KIF3C: variants seen among roughly 807,000 people sequenced by gnomAD.
KIF3C encodes the protein kinesin family member 3C.
In KIF3C, 12 loss-of-function variants were observed where a neutral mutation model predicts 67.7. The observed-to-expected ratio is 0.18, with a 90% CI of 0.11 to 0.29. The LOEUF is 0.29. Ranked by LOEUF, KIF3C falls within the 10% of genes least tolerant of loss-of-function variation. The probability of loss-of-function intolerance (pLI) is 1.00; values close to 1 mark genes in which losing one functional copy is unlikely to be tolerated. For missense variants in KIF3C, 789 were observed against 1,059.6 expected (o/e 0.74, Z 3.55); for synonymous variants, 393 against 426.2 (o/e 0.92, Z 0.96).
At chr2:25,933,960 T>A in intron 5 of KIF3C, 1 of 309,262 alleles carries the variant, frequency 3.2e-6, no homozygotes. Context: ...AAAGTGGAAA[T>A]TACCGAAATG....
intron 1 of KIF3C, among the ~76,000 whole-genome samples, chr2:25,957,995 G>T (rs566907299): frequency 4.7e-4 from 71 of 152,304 alleles, no homozygotes; most frequent in African/African-American, 1.7e-3. Context: ...CTCCAGGTCA[G>T]CATTTGCAGG....
At chr2:25,933,164 T>C (rs1398318475) in intron 5 of KIF3C, among the ~76,000 whole-genome samples, 1 of 151,594 alleles carries the variant, frequency 6.6e-6, no homozygotes, top group Non-Finnish European at 1.5e-5. Context: ...GACAGGAGAA[T>C]TGCTTGAACC....
At chr2:25,975,067 C>T (rs1010034158) in intron 1 of KIF3C, among the ~76,000 whole-genome samples, 3 of 151,200 alleles carry the variant, frequency 2.0e-5, no homozygotes, top group Admixed American at 6.6e-5. Flanking sequence ...TTTCCAGTCT[C>T]GGGCTTCTTT....
rs142159709 is a variant in KIF3C at position 25,955,003 on chromosome 2, G to A, written c.1770+538C>T. ...CATCACCCACCCCGAAGGGCCTCCA[G>A]GTTTTTCCCAGAATCCAAGCTAGAG... On this transcript the variant is annotated intron_variant, in intron 3 of 7. Coordinates refer to ENST00000264712, the MANE Select transcript of KIF3C (RefSeq NM_002254.8). This position sits in a 1 kb window ranked among gnomAD's most constrained non-coding sequence, Gnocchi z 5.0. 5.7e-3 allele frequency among the ~76,000 whole-genome samples: 862 copies of A among 152,298 alleles called. 9 individuals are homozygous for A. The highest frequency in any genetic ancestry group is 9.5e-3 in the Admixed American group (145 of 15,304).
At chr2:25,944,117 G>A (rs908592414) in intron 5 of KIF3C, among the ~76,000 whole-genome samples, 9 of 150,994 alleles carry the variant, frequency 6.0e-5, no homozygotes, top group African/African-American at 2.0e-4. Context: ...GCATGATCTC[G>A]GCTCACTGCA....
At chr2:25,945,589 GAATAAAATTTAA>G (rs1663411166) in intron 5 of KIF3C, among the ~76,000 whole-genome samples, 1 of 104,506 alleles carries the variant, frequency 9.6e-6, no homozygotes, top group African/African-American at 3.9e-5. Context: ...AAAAAAAAAA[GAATAAAATTTAA>G]GGCCAGTTGC....
At chr2:25,947,692 A>C (rs1459238204) in intron 5 of KIF3C, among the ~76,000 whole-genome samples, 1 of 152,204 alleles carries the variant, frequency 6.6e-6, no homozygotes, top group East Asian at 1.9e-4. Context: ...AGCATATACA[A>C]ACCATTTTAA....
chr2:25,982,038 CA>C lies in KIF3C; in HGVS notation c.-122del. 1.3e-6 allele frequency: 1 copy of C among 763,464 alleles called. No individual in the cohort carries two copies. Among genetic ancestry groups the C allele is most frequent in the Non-Finnish European group, 2.1e-6 (1 of 487,264 alleles). The allele number at this position is 763,464 out of a possible 1,614,324, so 47.3% of individuals were successfully genotyped here. ...CCCCCAGGCGCAGCTCTTCAATCCGCATGCAGCCTCCTAGGGTGGGGACGCT... is the reference window on the plus strand; with the variant it reads ...CCCCCAGGCGCAGCTCTTCAATCCGCTGCAGCCTCCTAGGGTGGGGACGCT... On this transcript the variant is annotated 5_prime_UTR_variant, in exon 1 of 8. An upstream start codon of the reference 5' UTR is lost. Transcript: ENST00000264712.
intron 5 of KIF3C, among the ~76,000 whole-genome samples, chr2:25,942,386 T>A (rs1404067806): frequency 6.8e-6 from 1 of 147,440 alleles, no homozygotes; most frequent in Non-Finnish European, 1.5e-5. Flanking sequence ...TTGTAAAATA[T>A]TTATTGCTAG....
At chr2:25,962,967 A>ATATAAT (rs1664020780) in intron 1 of KIF3C, among the ~76,000 whole-genome samples, 2 of 24,834 alleles carry the variant, frequency 8.1e-5, no homozygotes, top group East Asian at 4.5e-3. Flanking sequence ...TAATATATAT[A>ATATAAT]ATATATAATA....
intron 4 of KIF3C, 178 bp downstream of exon 4, chr2:25,954,089 G>T: frequency 1.5e-6 from 1 of 648,842 alleles, no homozygotes. Flanking sequence ...ATCAAATACA[G>T]GCAGAGGAGG....
At position 25,928,969 on chromosome 2, in the gene KIF3C, T is replaced by G. The variant is rs1574474763; in HGVS notation, c.*9A>C. 6.2e-7 allele frequency: 1 copy of G among 1,611,380 alleles called. No homozygotes were observed. Among genetic ancestry groups the G allele is most frequent in the Non-Finnish European group, 8.5e-7 (1 of 1,178,938 alleles). On this transcript the variant is annotated 3_prime_UTR_variant, in exon 8 of 8. Coordinates refer to ENST00000264712, the MANE Select transcript of KIF3C (RefSeq NM_002254.8). The stretch of plus-strand genomic sequence containing the variant: ...AGTCTATTGGATGGGCAGCCTGACG[T>G]GATGGTTGTCACTCATGGTCCGCCA...
chr2:25,957,270 A>G (rs1485926663), intron 1 of KIF3C, among the ~76,000 whole-genome samples: 1 of 152,204 alleles, frequency 6.6e-6, no homozygotes, highest in Non-Finnish European at 1.5e-5. Context: ...ATTGAGTAGC[A>G]AAGAGGAGAG....
chr2:25,956,265 T>G (rs1663804094), intron 2 of KIF3C, 78 bp downstream of exon 2: 1 of 1,053,252 alleles, frequency 9.5e-7, no homozygotes, highest in Admixed American at 1.9e-5. Context: ...GAGTCCACCA[T>G]GGTTTACGGC....
At chr2:25,951,275 A>C (rs979154021) in intron 5 of KIF3C, 2 of 152,858 alleles carry the variant, frequency 1.3e-5, no homozygotes, top group Admixed American at 1.3e-4. Flanking sequence ...AATCACCCGG[A>C]TGAGCGAGCG....
Position 25,958,468 on chromosome 2 carries a change from A to G in KIF3C, c.1546-2024T>C, listed in dbSNP as rs1663863168. On this transcript the variant is annotated intron_variant, in intron 1 of 7. Coordinates refer to ENST00000264712, the MANE Select transcript of KIF3C (RefSeq NM_002254.8). This position sits in a 1 kb window ranked among gnomAD's most constrained non-coding sequence, Gnocchi z 4.5. ...TGGTGGCGTGCACCTGTAGTCCTAG[A>G]TACTCAGGAGGCTGAGGCAGGAGAA... Among the ~76,000 whole-genome samples, 1 of 151,970 alleles carries G rather than the reference A, an allele frequency of 6.6e-6. No homozygotes were observed. The highest frequency in any genetic ancestry group is 1.5e-5 in the Non-Finnish European group (1 of 67,960).
intron 1 of KIF3C, among the ~76,000 whole-genome samples, chr2:25,974,553 T>C (rs1664363143): frequency 6.6e-6 from 1 of 152,156 alleles, no homozygotes; most frequent in African/African-American, 2.4e-5. Flanking sequence ...ACTATCCCAT[T>C]TTATAGCTAA....
intron 2 of KIF3C, 43 bp downstream of exon 2, chr2:25,956,300 C>A (rs763984715): frequency 8.4e-6 from 12 of 1,432,368 alleles, no homozygotes. Flanking sequence ...ACATGAGCTG[C>A]AGGCCACACT....
chr2:25,974,215 G>A (rs778339215), intron 1 of KIF3C, among the ~76,000 whole-genome samples: 2 of 151,960 alleles, frequency 1.3e-5, no homozygotes, highest in Admixed American at 6.6e-5. Context: ...GACTACAGAC[G>A]CGCGCCACCA....
Sources: gnomAD v4.1 joint callset for allele counts (sites outside exome capture counted in the v4.1 genomes callset) on GRCh38, gnomAD v4.1.1 for gene constraint, Gnocchi (gnomAD v3.1) non-coding constraint, MANE v1.5 for transcripts, NCBI Gene and HGNC (gene_info 2026-07-23, HGNC 2026-07-21) for gene names.